The following RBFOX1 variants were observed in gnomAD, a reference collection of about 807,000 sequenced individuals.
The protein encoded by RBFOX1 is RNA binding protein fox-1 homolog 1.
A neutral mutation model predicts 57.7 loss-of-function variants in RBFOX1; 8 were observed. The ratio of observed to expected loss-of-function variants is 0.14; its 90% CI spans 0.08 to 0.25. The LOEUF is 0.25. Among genes scored for constraint, RBFOX1 ranks in the 10% least tolerant of loss-of-function variants. RBFOX1 has a pLI of 1.00. For missense variants in RBFOX1, 611 were observed against 548.5 expected (o/e 1.11, Z -1.14); for synonymous variants, 326 against 222.4 (o/e 1.47, Z -4.15).
intron 3 of RBFOX1, among the ~76,000 whole-genome samples, chr16:5,673,717 C>T (rs138648600): frequency 6.6e-6 from 1 of 152,338 alleles, no homozygotes; most frequent in East Asian, 1.9e-4. Flanking sequence ...TGGCATCCCT[C>T]CTGTCTGTAT....
At chr16:5,626,097 C>G (rs976283648) in intron 3 of RBFOX1, among the ~76,000 whole-genome samples, 8 of 151,904 alleles carry the variant, frequency 5.3e-5, no homozygotes, top group Non-Finnish European at 1.2e-4. Flanking sequence ...TCAGGCTGGT[C>G]TCGAGCTCCT....
intron 2 of RBFOX1, among the ~76,000 whole-genome samples, chr16:5,590,262 A>T (rs764017984): frequency 6.6e-6 from 1 of 152,294 alleles, no homozygotes; most frequent in Non-Finnish European, 1.5e-5. Flanking sequence ...GGGAAAAAAA[A>T]CCGAGCTCAC....
At chr16:7,418,183 G>C (rs996755880) in intron 4 of RBFOX1, among the ~76,000 whole-genome samples, 2 of 152,144 alleles carry the variant, frequency 1.3e-5, no homozygotes, top group African/African-American at 4.8e-5. Flanking sequence ...TCCATTGCTG[G>C]TCCATAGTTT....
At chr16:7,338,804 A>G (rs1458928917) in intron 4 of RBFOX1, among the ~76,000 whole-genome samples, 1 of 152,230 alleles carries the variant, frequency 6.6e-6, no homozygotes, top group Non-Finnish European at 1.5e-5. Context: ...TAATTTGGGT[A>G]AGTTTCTGGT....
intron 14 of RBFOX1, among the ~76,000 whole-genome samples, chr16:7,703,224 A>T (rs1376455321): frequency 2.0e-5 from 3 of 152,214 alleles, no homozygotes; most frequent in African/African-American, 7.2e-5. Flanking sequence ...GAGGCACTGT[A>T]GTCCCTAATT....
At chr16:6,911,258 C>A (rs571410294) in intron 3 of RBFOX1, among the ~76,000 whole-genome samples, 1 of 151,324 alleles carries the variant, frequency 6.6e-6, no homozygotes, top group Non-Finnish European at 1.5e-5. Context: ...GCGTTAGTTT[C>A]CCAGGACTGC....
intron 2 of RBFOX1, among the ~76,000 whole-genome samples, chr16:6,607,424 C>G (rs796811225): frequency 0.023 from 3,501 of 150,644 alleles, 242 homozygotes; most frequent in East Asian, 0.22. Context: ...TCTCCTCTCT[C>G]TCTCTCTCTC....
chr16:6,745,767 C>T (rs183721275), intron 3 of RBFOX1, among the ~76,000 whole-genome samples: 6 of 152,202 alleles, frequency 3.9e-5, no homozygotes, highest in Middle Eastern at 3.4e-3. Flanking sequence ...ACTTCCCTTT[C>T]GCAGTATTTT....
chr16:7,228,332 C>G (rs949893750), intron 4 of RBFOX1, among the ~76,000 whole-genome samples: 1 of 152,090 alleles, frequency 6.6e-6, no homozygotes, highest in Non-Finnish European at 1.5e-5. Context: ...GGAGGAAAAT[C>G]AAGGGTTCCT....
chr16:7,399,346 C>G (rs1266612869), intron 4 of RBFOX1, among the ~76,000 whole-genome samples: 1 of 152,106 alleles, frequency 6.6e-6, no homozygotes, highest in Non-Finnish European at 1.5e-5. Flanking sequence ...ACGTGGGAGG[C>G]TGAAGCAGGA....
chr16:6,991,118 G>T (rs1401267824), intron 3 of RBFOX1, among the ~76,000 whole-genome samples: 2 of 92,364 alleles, frequency 2.2e-5, no homozygotes, highest in Non-Finnish European at 3.9e-5. Flanking sequence ...CCTAGGCAAC[G>T]TAATAAAATT....
intron 4 of RBFOX1, among the ~76,000 whole-genome samples, chr16:7,243,427 T>G (rs2094154062): frequency 6.6e-6 from 1 of 152,210 alleles, no homozygotes; most frequent in South Asian, 2.1e-4. Flanking sequence ...GAAAGGCATA[T>G]TACCTTTGGT....
At chr16:6,937,547 C>T (rs1247484706) in intron 3 of RBFOX1, among the ~76,000 whole-genome samples, 1 of 152,132 alleles carries the variant, frequency 6.6e-6, no homozygotes, top group South Asian at 2.1e-4. Flanking sequence ...CCATAGTGGT[C>T]AAGGCACAGC....
At chr16:7,259,059 T>C (rs1827883505) in intron 4 of RBFOX1, among the ~76,000 whole-genome samples, 1 of 152,186 alleles carries the variant, frequency 6.6e-6, no homozygotes, top group African/African-American at 2.4e-5. Flanking sequence ...AACTAGTAGC[T>C]AAAATGAAAC....
intron 1 of RBFOX1, among the ~76,000 whole-genome samples, chr16:5,289,925 G>C (rs2063492993): frequency 6.6e-6 from 1 of 152,242 alleles, no homozygotes; most frequent in Admixed American, 6.5e-5. Context: ...GCACACAAAT[G>C]CTCATAGCAG....
At chr16:7,188,451 T>G (rs564082574) in intron 4 of RBFOX1, among the ~76,000 whole-genome samples, 29 of 152,336 alleles carry the variant, frequency 1.9e-4, no homozygotes, top group Non-Finnish European at 4.0e-4. Flanking sequence ...AGCTTTTAGC[T>G]GCATGTTACA....
intron 1 of RBFOX1, among the ~76,000 whole-genome samples, chr16:6,160,150 A>T (rs2096867489): frequency 6.6e-6 from 1 of 152,216 alleles, no homozygotes; most frequent in Non-Finnish European, 1.5e-5. Flanking sequence ...GTGTACCTGC[A>T]GGAATATTTT....
chr16:7,344,463 A>G (rs1434343569), intron 4 of RBFOX1, among the ~76,000 whole-genome samples: 2 of 150,430 alleles, frequency 1.3e-5, no homozygotes, highest in South Asian at 4.2e-4. Flanking sequence ...ATAAATATAT[A>G]AATATATAAC....
intron 3 of RBFOX1, among the ~76,000 whole-genome samples, chr16:6,780,358 T>C (rs2080668602): frequency 9.8e-6 from 1 of 102,158 alleles, no homozygotes; most frequent in Non-Finnish European, 1.7e-5. Context: ...TACATATTTA[T>C]ATACATATTT....
Sources: gnomAD v4.1 joint callset for allele counts (sites outside exome capture counted in the v4.1 genomes callset) on GRCh38, gnomAD v4.1.1 for gene constraint, MANE v1.5 for transcripts, NCBI Gene and HGNC (gene_info 2026-07-23, HGNC 2026-07-21) for gene names.